The following KANK1 variants were observed in gnomAD, a reference collection of about 807,000 sequenced individuals.
KANK1 encodes KN motif and ankyrin repeat domain-containing protein 1.
KANK1 carries 109 observed loss-of-function variants against 106.2 expected under a neutral mutation model. That is an observed-to-expected ratio of 1.03 (90% confidence interval 0.88 to 1.20). KANK1 has a LOEUF of 1.20. KANK1 is among the 50% of genes most tolerant of loss of function. KANK1 has a pLI of 0.00. For synonymous variants in KANK1, 873 were observed against 652.2 expected, an observed-to-expected ratio of 1.34 and a Z score of -5.16; for missense variants, 2,399 against 1,710.7, an observed-to-expected ratio of 1.40 and a Z score of -7.10.
chr9:667,999 G>A (rs1334557274), intron 1 of KANK1, among the ~76,000 whole-genome samples: 1 of 152,086 alleles, frequency 6.6e-6, no homozygotes, highest in Non-Finnish European at 1.5e-5. Context: ...CCAAAGTACT[G>A]GGATTACAGG....
At chr9:691,266 C>G (rs1819837670) in intron 2 of KANK1, among the ~76,000 whole-genome samples, 1 of 151,372 alleles carries the variant, frequency 6.6e-6, no homozygotes, top group African/African-American at 2.4e-5. Context: ...GTAATCTAAA[C>G]TCTTACCAGA....
chr9:612,182 G>GT (rs781164214), intron 1 of KANK1, among the ~76,000 whole-genome samples: 4 of 152,172 alleles, frequency 2.6e-5, no homozygotes, highest in Non-Finnish European at 5.9e-5. Flanking sequence ...ACTATCTGTT[G>GT]TTTTGTGCTT....
chr9:664,157 C>T (rs1316939216), intron 1 of KANK1, among the ~76,000 whole-genome samples: 2 of 152,206 alleles, frequency 1.3e-5, no homozygotes, highest in East Asian at 1.9e-4. Flanking sequence ...ACTGATCTAT[C>T]GAACACCAAG....
chr9:716,539 C>G (rs1827737132), intron 3 of KANK1, among the ~76,000 whole-genome samples: 1 of 152,100 alleles, frequency 6.6e-6, no homozygotes. Context: ...ATGGGAAACA[C>G]AAAATTGATA....
intron 1 of KANK1, among the ~76,000 whole-genome samples, chr9:596,752 CATAAT>C (rs1826321430): frequency 6.6e-6 from 1 of 151,696 alleles, no homozygotes; most frequent in South Asian, 2.1e-4. Flanking sequence ...ATGAAATTCA[CATAAT>C]ATAACAATAG....
chr9:730,375 A>T (rs1831884123), intron 4 of KANK1, 127 bp downstream of exon 4: 1 of 1,004,126 alleles, frequency 1.0e-6, no homozygotes, highest in South Asian at 1.5e-5. Flanking sequence ...TTTGGAAGGT[A>T]GGCCCAGAAT....
intron 1 of KANK1, among the ~76,000 whole-genome samples, chr9:608,325 T>G (rs1205329410): frequency 6.6e-6 from 1 of 151,836 alleles, no homozygotes; most frequent in African/African-American, 2.4e-5. Context: ...GCGTGAAAAC[T>G]TTCAGAATTA....
chr9:524,084 C>T (rs2059672872), intron 1 of KANK1, among the ~76,000 whole-genome samples: 1 of 151,720 alleles, frequency 6.6e-6, no homozygotes, highest in Non-Finnish European at 1.5e-5. Context: ...ATATATATTT[C>T]AGTTCACTGT....
At chr9:519,735 G>A (rs1394686621) in intron 1 of KANK1, among the ~76,000 whole-genome samples, 2 of 151,732 alleles carry the variant, frequency 1.3e-5, no homozygotes, top group African/African-American at 4.9e-5. Context: ...TTAATTACAT[G>A]CCTTTGGAAT....
chr9:584,539 T>C (rs1299206238), intron 1 of KANK1, among the ~76,000 whole-genome samples: 1 of 152,228 alleles, frequency 6.6e-6, no homozygotes, highest in African/African-American at 2.4e-5. Flanking sequence ...TTCTGTTGAT[T>C]TGACACATTT....
At chr9:689,966 G>A (rs756549343) in intron 2 of KANK1, among the ~76,000 whole-genome samples, 6 of 151,848 alleles carry the variant, frequency 4.0e-5, no homozygotes, top group Non-Finnish European at 5.9e-5. Context: ...CTTGGGTTTT[G>A]TTGTTGCTGT....
intron 1 of KANK1, among the ~76,000 whole-genome samples, chr9:604,078 A>T (rs1828473894): frequency 6.6e-6 from 1 of 151,650 alleles, no homozygotes; most frequent in Admixed American, 6.6e-5. Flanking sequence ...TTTCAGCAAA[A>T]AGTTGGGGTA....
rs757205666 is a variant in KANK1 at position 711,639 on chromosome 9, C to T, written c.873C>T (p.Ile291=). ...CCATCCCTGTGCTCCAGGTAAAGAT[C>T]TCTGTCTTGCAAGAAGAGAAAAGGC... ...VRTIPVLQVK[I]SVLQEEKRQL... Residue 291 remains isoleucine (I), a synonymous_variant, in exon 3 of 12, where the codon ATC becomes ATT. Coordinates refer to ENST00000382297, the MANE Select transcript of KANK1 (RefSeq NM_015158.5). The T allele has an allele frequency of 1.2e-6, 2 of 1,614,000 alleles. No individual in the cohort carries two copies. The highest frequency in any genetic ancestry group is 2.7e-5 in the African/African-American group (2 of 74,904).
At chr9:528,512 C>T (rs2059911419) in intron 1 of KANK1, among the ~76,000 whole-genome samples, 1 of 115,042 alleles carries the variant, frequency 8.7e-6, no homozygotes, top group Non-Finnish European at 1.7e-5. Flanking sequence ...GACGGAGTCT[C>T]ACTCTGTCAC....
chr9:733,456 T>G (rs1405391455), intron 6 of KANK1: 1 of 152,230 alleles, frequency 6.6e-6, no homozygotes, highest in Non-Finnish European at 1.5e-5. Flanking sequence ...TTTTTTTACT[T>G]TTCATATGGG....
chr9:738,558 T>G (rs1217684619), intron 8 of KANK1, 54 bp downstream of exon 8: 3 of 1,421,382 alleles, frequency 2.1e-6, no homozygotes, highest in African/African-American at 1.4e-5. Flanking sequence ...GGGTTGTGAC[T>G]CATCTCAGAG....
chr9:659,546 C>G (rs903157496), intron 1 of KANK1, among the ~76,000 whole-genome samples: 1 of 152,272 alleles, frequency 6.6e-6, no homozygotes, highest in Admixed American at 6.5e-5. Context: ...GAAGAACTAC[C>G]TGAGACTGGG....
intron 1 of KANK1, among the ~76,000 whole-genome samples, chr9:676,015 A>G (rs925593411): frequency 1.6e-4 from 24 of 152,238 alleles, no homozygotes; most frequent in African/African-American, 5.5e-4. Flanking sequence ...GTTTTTTAGC[A>G]TGCTAATGCA....
chr9:522,259 G>C (rs1023870689), intron 1 of KANK1, among the ~76,000 whole-genome samples: 3 of 151,680 alleles, frequency 2.0e-5, no homozygotes, highest in Non-Finnish European at 4.4e-5. Context: ...GGTAAATATA[G>C]TTACATCTAG....
Sources: allele counts gnomAD v4.1 joint callset (sites outside exome capture counted in the v4.1 genomes callset), GRCh38; gene constraint gnomAD v4.1.1; transcripts MANE v1.5; gene names NCBI Gene and HGNC (gene_info 2026-07-23, HGNC 2026-07-21).